GPC6: variants seen among roughly 807,000 people sequenced by gnomAD.
GPC6 encodes glypican 6.
A neutral mutation model predicts 55.2 loss-of-function variants in GPC6; 14 were observed. That is an observed-to-expected ratio of 0.25 (90% CI 0.17 to 0.40). The LOEUF (loss-of-function observed/expected upper bound fraction) is 0.40, where lower values mean the gene tolerates loss of function less well. GPC6 is among the 10% of genes least tolerant of loss of function. The probability of loss-of-function intolerance (pLI) is 1.00; values close to 1 mark genes in which losing one functional copy is unlikely to be tolerated. For synonymous variants in GPC6, 278 were observed against 259.6 expected (o/e 1.07, Z -0.68); for missense variants, 641 against 708.5 (o/e 0.90, Z 1.08).
intron 2 of GPC6, among the ~76,000 whole-genome samples, chr13:93,593,267 C>T (rs142871532): frequency 2.1e-4 from 32 of 151,850 alleles, no homozygotes; most frequent in African/African-American, 3.4e-4. Context: ...TATTGATTTA[C>T]GAAAATGGAA....
chr13:93,633,110 A>G (rs534317485), intron 2 of GPC6, among the ~76,000 whole-genome samples: 28 of 152,166 alleles, frequency 1.8e-4, no homozygotes, highest in Admixed American at 9.2e-4. Flanking sequence ...TGAATTCTGC[A>G]TTTAATGTGT....
intron 2 of GPC6, among the ~76,000 whole-genome samples, chr13:93,719,825 C>T (rs1883389128): frequency 6.6e-6 from 1 of 152,064 alleles, no homozygotes; most frequent in African/African-American, 2.4e-5. Context: ...GCCTTTTCTG[C>T]ATCTATTGAG....
At chr13:93,685,173 T>C (rs1882002397) in intron 2 of GPC6, among the ~76,000 whole-genome samples, 2 of 152,210 alleles carry the variant, frequency 1.3e-5, no homozygotes, top group Admixed American at 1.3e-4. Flanking sequence ...TATTCATTTT[T>C]AAAAATGGTC....
At chr13:93,319,332 A>T (rs1392428509) in intron 1 of GPC6, among the ~76,000 whole-genome samples, 1 of 152,158 alleles carries the variant, frequency 6.6e-6, no homozygotes, top group Non-Finnish European at 1.5e-5. Flanking sequence ...ACAAGAAATA[A>T]ATAGGCCACA....
chr13:93,387,547 C>T (rs1875456722), intron 1 of GPC6, among the ~76,000 whole-genome samples: 1 of 152,162 alleles, frequency 6.6e-6, no homozygotes, highest in African/African-American at 2.4e-5. Context: ...GTTTTATCAA[C>T]TTTTAAGGAA....
intron 6 of GPC6, among the ~76,000 whole-genome samples, chr13:94,309,896 C>G (rs1008921371): frequency 3.3e-5 from 5 of 152,152 alleles, no homozygotes; most frequent in Admixed American, 2.6e-4. Flanking sequence ...ATCAAACAGG[C>G]CAGAGATTAT....
chr13:94,360,183 G>A (rs551967685), intron 6 of GPC6, among the ~76,000 whole-genome samples: 1 of 152,320 alleles, frequency 6.6e-6, no homozygotes, highest in South Asian at 2.1e-4. Flanking sequence ...AAAGCCAGGA[G>A]GAGTTTTTAG....
intron 1 of GPC6, among the ~76,000 whole-genome samples, chr13:93,452,342 T>G (rs577396068): frequency 1.3e-4 from 20 of 152,364 alleles, no homozygotes; most frequent in African/African-American, 4.8e-4. Flanking sequence ...TAAAGTGATA[T>G]AAAATATTTT....
In GPC6 at chr13:94,027,674, C is replaced by T. The variant is rs1275362461; in HGVS notation, c.712-55C>T. Reference sequence around the variant, plus strand: ...ATCACTGCTATTTTGTCTTTTTTTCCTCCTCTTTATCCTTCTTATTTTTGA... The same window carrying T: ...ATCACTGCTATTTTGTCTTTTTTTCTTCCTCTTTATCCTTCTTATTTTTGA... On this transcript the variant is annotated intron_variant, in intron 3 of 8. Coordinates refer to ENST00000377047, the MANE Select transcript of GPC6 (RefSeq NM_005708.5). 2.0e-6 allele frequency: 3 copies of T among 1,523,848 alleles called. No homozygotes were observed. The African/African-American group carries it at 4.1e-5, about 21-fold the overall frequency. The allele number at this position is 1,523,848 out of a possible 1,614,324, so 94.4% of individuals were successfully genotyped here.
intron 6 of GPC6, among the ~76,000 whole-genome samples, chr13:94,380,544 T>C (rs1880112324): frequency 2.6e-5 from 4 of 152,238 alleles, no homozygotes; most frequent in Admixed American, 2.6e-4. Context: ...ACCTTTTCTC[T>C]TTTTCTTTAT....
chr13:93,579,967 T>C (rs868772597), intron 2 of GPC6, among the ~76,000 whole-genome samples: 12 of 152,176 alleles, frequency 7.9e-5, no homozygotes, highest in African/African-American at 2.4e-4. Flanking sequence ...ATCAAAATAT[T>C]GTAGAAAATT....
chr13:93,665,313 T>C (rs942632685), intron 2 of GPC6, among the ~76,000 whole-genome samples: 1 of 152,240 alleles, frequency 6.6e-6, no homozygotes, highest in African/African-American at 2.4e-5. Flanking sequence ...GTTCAAGATA[T>C]ATTGATAAAT....
intron 2 of GPC6, among the ~76,000 whole-genome samples, chr13:93,587,790 C>G (rs1298447419): frequency 6.6e-6 from 1 of 152,128 alleles, no homozygotes; most frequent in East Asian, 1.9e-4. Flanking sequence ...AGATGTCCAT[C>G]AAACAGCTAA....
intron 2 of GPC6, among the ~76,000 whole-genome samples, chr13:93,644,416 A>T (rs1342805614): frequency 6.6e-6 from 1 of 152,054 alleles, no homozygotes; most frequent in Non-Finnish European, 1.5e-5. Flanking sequence ...CATTATTTAT[A>T]TTAGTGATCA....
chr13:93,618,424 C>A (rs1878816098), intron 2 of GPC6, among the ~76,000 whole-genome samples: 1 of 152,052 alleles, frequency 6.6e-6, no homozygotes, highest in South Asian at 2.1e-4. Context: ...CTCACATACT[C>A]ATCTCAATCA....
intron 4 of GPC6, among the ~76,000 whole-genome samples, chr13:94,259,724 A>T (rs1440063438): frequency 6.6e-6 from 1 of 152,106 alleles, no homozygotes; most frequent in African/African-American, 2.4e-5. Flanking sequence ...GAATCTGCCT[A>T]TTCTAATTAC....
chr13:93,584,000 A>G (rs1222058529), intron 2 of GPC6, among the ~76,000 whole-genome samples: 2 of 152,156 alleles, frequency 1.3e-5, no homozygotes, highest in East Asian at 1.9e-4. Context: ...TCTTAGCTAC[A>G]TGGCCGCATA....
the GPC6 span, among the ~76,000 whole-genome samples, chr13:93,218,062 C>T: frequency 7.9e-5 from 12 of 151,920 alleles, 1 homozygote; most frequent in African/African-American, 2.9e-4. Context: ...CTTCAGACAC[C>T]TCCCTGGAAA....
intron 2 of GPC6, among the ~76,000 whole-genome samples, chr13:93,692,636 G>A (rs1308024342): frequency 1.3e-5 from 2 of 151,836 alleles, no homozygotes; most frequent in Admixed American, 1.3e-4. Context: ...TTAAATTTTA[G>A]TACTTATTTT....
Sources: allele counts gnomAD v4.1 joint callset (sites outside exome capture counted in the v4.1 genomes callset), GRCh38; gene constraint gnomAD v4.1.1; transcripts MANE v1.5; gene names NCBI Gene and HGNC (gene_info 2026-07-23, HGNC 2026-07-21).